The following ADH7 variants were observed in gnomAD, a reference collection of about 807,000 sequenced individuals.
ADH7 encodes the protein alcohol dehydrogenase 7 (class IV), mu or sigma polypeptide, also known as all-trans-retinol dehydrogenase [NAD(+)] ADH7.
ADH7 carries 41 observed loss-of-function variants against 34.4 expected under a neutral mutation model. The ratio of observed to expected loss-of-function variants is 1.19; its 90% confidence interval spans 0.93 to 1.55. The LOEUF (loss-of-function observed/expected upper bound fraction) is 1.55. Among genes scored for constraint, ADH7 ranks in the 40% most tolerant of loss-of-function variants. The pLI, the probability that ADH7 is intolerant of heterozygous loss-of-function variation, is 0.00. For synonymous variants in ADH7, 180 were observed against 160.9 expected (o/e 1.12, Z -0.90); for missense variants, 540 against 461.2 (o/e 1.17, Z -1.56).
At chr4:99,431,771 G>A (rs1253034467) in intron 1 of ADH7, among the ~76,000 whole-genome samples, 8 of 152,018 alleles carry the variant, frequency 5.3e-5, no homozygotes, top group African/African-American at 9.7e-5. Flanking sequence ...CCACAATGAG[G>A]TACTATCTCA....
At chr4:99,424,048 T>C (rs1721738075) in intron 5 of ADH7, among the ~76,000 whole-genome samples, 1 of 152,048 alleles carries the variant, frequency 6.6e-6, no homozygotes, top group Non-Finnish European at 1.5e-5. Context: ...CTTGAATTAA[T>C]TTTTGTATAA....
chr4:99,420,809 T>C lies in ADH7; in HGVS notation c.565-16A>G, dbSNP rs564023675. 2 of 1,612,538 alleles carry C rather than the reference T, an allele frequency of 1.2e-6. No homozygotes were observed. Among genetic ancestry groups the C allele is most frequent in the East Asian group, 2.2e-5 (1 of 44,832 alleles). On this transcript the variant is annotated splice_polypyrimidine_tract_variant and intron_variant, in intron 5 of 8. Transcript: ENST00000437033. ...CAGGTTTGACCTGTGGAGAGGAATGTTCTTGAACATGTTAGGTGTTAGGGT... is the reference window on the plus strand; with the variant it reads ...CAGGTTTGACCTGTGGAGAGGAATGCTCTTGAACATGTTAGGTGTTAGGGT...
At position 99,418,823 on chromosome 4, in the gene ADH7, G is replaced by A. The variant is rs1326044235; in HGVS notation, c.961+163C>T. Among the ~76,000 whole-genome samples, 4 of 152,182 alleles carry A rather than the reference G, an allele frequency of 2.6e-5. No individual in the cohort carries two copies. The East Asian group carries it at 5.8e-4, about 22-fold the overall frequency. ...ACCAATATTAGTCCTACATCAAGGT[G>A]AGGAGTGGAGAATTATCTTTTGTGT... is the stretch of plus-strand genomic sequence containing the variant. On this transcript the variant is annotated intron_variant, in intron 7 of 8. Transcript: ENST00000437033.
chr4:99,420,464 CAATT>C, intron 6 of ADH7, 65 bp downstream of exon 6: 1 of 1,477,528 alleles, frequency 6.8e-7, no homozygotes, highest in Non-Finnish European at 9.3e-7. Flanking sequence ...AAGTTATAGA[CAATT>C]AAATTTACCT....
At position 99,434,629 on chromosome 4, in the gene ADH7, G is replaced by A. The variant is rs1031745879; in HGVS notation, c.18+587C>T. 1.6e-4 allele frequency among the ~76,000 whole-genome samples: 25 copies of A among 151,946 alleles called. 1 individual carries two copies. Among genetic ancestry groups the A allele is most frequent in the African/African-American group, 5.8e-4 (24 of 41,378 alleles). On this transcript the variant is annotated intron_variant, in intron 1 of 8. Transcript: ENST00000437033. The stretch of plus-strand genomic sequence containing the variant: ...AGTTAATACCAACTCTGCTAACTCT[G>A]TTGTTTTTAGAACGATAAACATACT...
At chr4:99,415,124 G>A (rs1043720225) in intron 8 of ADH7, among the ~76,000 whole-genome samples, 1 of 152,042 alleles carries the variant, frequency 6.6e-6, no homozygotes, top group Non-Finnish European at 1.5e-5. Flanking sequence ...TTTTGTAAGG[G>A]GCTCTTCCCG....
chr4:99,432,764 T>C (rs1721965209), intron 1 of ADH7: 2 of 152,194 alleles, frequency 1.3e-5, no homozygotes, highest in Admixed American at 6.5e-5. Flanking sequence ...TTGTGACATG[T>C]TTGTTCTCAC....
intron 5 of ADH7, among the ~76,000 whole-genome samples, chr4:99,425,791 T>C (rs532395792): frequency 1.3e-3 from 196 of 152,192 alleles, no homozygotes; most frequent in African/African-American, 4.5e-3. Context: ...TATTCCAAAA[T>C]TGACCACATA....
Position 99,413,150 on chromosome 4 carries a change from A to G in ADH7, c.1123T>C (p.Ter375ArgextTer24). 1 of 1,612,876 alleles carries G rather than the reference A, an allele frequency of 6.2e-7. No individual in the cohort carries two copies. The highest frequency in any genetic ancestry group is 8.5e-7 in the Non-Finnish European group (1 of 1,179,002). Residue 375 changes from the stop codon to arginine, a stop_lost, in exon 9 of 9, where the codon TGA becomes CGA. Transcript: ENST00000437033. The stretch of plus-strand genomic sequence containing the variant: ...CAGACCTCCTGCCACTTTGGATCTC[A>G]AAACGTCAGGACCGTTCGAATGCTG... Reference protein sequence around the residue: ...GQSIRTVLTF* With the variant: ...GQSIRTVLTFR
At chr4:99,429,682 TAC>T in intron 1 of ADH7, 49 bp from the exon 2 acceptor site, 1 of 1,327,138 alleles carries the variant, frequency 7.5e-7, no homozygotes, top group Non-Finnish European at 1.1e-6. Flanking sequence ...GCCTTTAACT[TAC>T]AGACTCCCTG....
At chr4:99,434,030 A>T (rs1721994676) in intron 1 of ADH7, among the ~76,000 whole-genome samples, 1 of 152,186 alleles carries the variant, frequency 6.6e-6, no homozygotes, top group South Asian at 2.1e-4. Flanking sequence ...CTATTGCATG[A>T]CCATATATCA....
chr4:99,415,525 T>G lies in ADH7; in HGVS notation c.1053A>C (p.Pro351=). 6.2e-7 allele frequency: 1 copy of G among 1,613,556 alleles called. No homozygotes were observed. The highest frequency in any genetic ancestry group is 8.5e-7 in the Non-Finnish European group (1 of 1,179,666). Residue 351 remains proline, a synonymous_variant, in exon 8 of 9, where the codon CCA becomes CCC. Transcript: ENST00000437033. ...DLDQLITHVL[P]FKKISEGFEL... ...CAAATCCTTCACTGATTTTTTTAAA[T>G]GGTAAAACATGAGTTATCAACTGGT...
chr4:99,425,830 G>T (rs1165444309), intron 5 of ADH7, among the ~76,000 whole-genome samples: 3 of 152,060 alleles, frequency 2.0e-5, no homozygotes, highest in East Asian at 1.9e-4. Context: ...CTCAGCAAAT[G>T]TAAAAGAACA....
intron 7 of ADH7, among the ~76,000 whole-genome samples, chr4:99,418,696 A>C (rs1721577609): frequency 6.6e-6 from 1 of 152,110 alleles, no homozygotes; most frequent in Non-Finnish European, 1.5e-5. Flanking sequence ...TTAAATCGGA[A>C]CTTCCTGTTA....
At chr4:99,422,885 T>A (rs1721700611) in intron 5 of ADH7, among the ~76,000 whole-genome samples, 1 of 149,464 alleles carries the variant, frequency 6.7e-6, no homozygotes, top group African/African-American at 2.4e-5. Context: ...TTATTTATTA[T>A]TATTATTATA....
chr4:99,422,574 AT>A (rs1721691911), intron 5 of ADH7, among the ~76,000 whole-genome samples: 1 of 152,140 alleles, frequency 6.6e-6, no homozygotes, highest in Non-Finnish European at 1.5e-5. Flanking sequence ...TGGCGCACGT[AT>A]ACCTGTGTAA....
intron 5 of ADH7, among the ~76,000 whole-genome samples, chr4:99,425,031 G>A (rs1468884620): frequency 2.0e-5 from 3 of 151,596 alleles, no homozygotes; most frequent in African/African-American, 7.3e-5. Flanking sequence ...ATAGCACCAG[G>A]CCTGCCCTAA....
intron 2 of ADH7, among the ~76,000 whole-genome samples, chr4:99,429,320 T>C (rs1579580130): frequency 1.3e-5 from 2 of 152,336 alleles, no homozygotes; most frequent in African/African-American, 4.8e-5. Context: ...ATAAAGCATG[T>C]TAGCACTGTT....
At chr4:99,426,244 C>T (rs1721801872) in intron 5 of ADH7, among the ~76,000 whole-genome samples, 2 of 152,052 alleles carry the variant, frequency 1.3e-5, no homozygotes, top group Admixed American at 1.3e-4. Context: ...ACACAAAAAA[C>T]CCTTCAAAAA....
Sources: gnomAD v4.1 joint callset for allele counts (sites outside exome capture counted in the v4.1 genomes callset) on GRCh38, gnomAD v4.1.1 for gene constraint, MANE v1.5 for transcripts, NCBI Gene and HGNC (gene_info 2026-07-23, HGNC 2026-07-21) for gene names.